Variants in NUMB observed in about 807,000 individuals in gnomAD.
NUMB encodes NUMB endocytic adaptor protein, also known as protein numb homolog.
NUMB carries 29 observed loss-of-function variants against 59.7 expected under a neutral mutation model. That is an observed-to-expected ratio of 0.49 (90% CI 0.36 to 0.66). The LOEUF (loss-of-function observed/expected upper bound fraction) is 0.66, where lower values mean the gene tolerates loss of function less well. Among genes scored for constraint, NUMB ranks in the 30% least tolerant of loss-of-function variants. The pLI is 0.00. For missense variants in NUMB, 723 were observed against 822.0 expected (o/e 0.88, Z 1.47); for synonymous variants, 288 against 288.2 (o/e 1.00, Z 0.01).
intron 2 of NUMB, among the ~76,000 whole-genome samples, chr14:73,402,501 G>T (rs947073619): frequency 1.3e-5 from 2 of 152,128 alleles, no homozygotes; most frequent in Non-Finnish European, 2.9e-5. Context: ...ACACAACTAT[G>T]TAGTGTAACT....
chr14:73,409,716 AT>A, intron 2 of NUMB: 1 of 152,354 alleles, frequency 6.6e-6, no homozygotes, highest in Non-Finnish European at 1.5e-5. Context: ...AAGAAAAACA[AT>A]TTTAATTATT....
chr14:73,415,748 T>C (rs1260410964), intron 1 of NUMB, among the ~76,000 whole-genome samples: 1 of 152,104 alleles, frequency 6.6e-6, no homozygotes, highest in Non-Finnish European at 1.5e-5. Context: ...ATTACAGGTG[T>C]GAGCCACCAC....
chr14:73,356,419 G>A (rs1029832217), intron 3 of NUMB, among the ~76,000 whole-genome samples: 2 of 152,174 alleles, frequency 1.3e-5, no homozygotes, highest in South Asian at 2.1e-4. Flanking sequence ...GAGATGGGCA[G>A]ATCACTTGAG....
intron 2 of NUMB, among the ~76,000 whole-genome samples, chr14:73,376,106 G>T (rs1273220801): frequency 6.6e-6 from 1 of 152,114 alleles, no homozygotes; most frequent in Non-Finnish European, 1.5e-5. Context: ...AAGTTAGAAA[G>T]AAAACTGTTT....
At chr14:73,357,624 G>T (rs138026631) in intron 3 of NUMB, among the ~76,000 whole-genome samples, 1 of 148,420 alleles carries the variant, frequency 6.7e-6, no homozygotes, top group African/African-American at 2.5e-5. Flanking sequence ...TTAGTTGGGC[G>T]TGGTGGCACG....
intron 6 of NUMB, among the ~76,000 whole-genome samples, chr14:73,308,532 T>C (rs547209044): frequency 1.3e-5 from 2 of 152,198 alleles, no homozygotes; most frequent in Non-Finnish European, 2.9e-5. Context: ...TCACATGAAG[T>C]AGGCATTAAT....
intron 1 of NUMB, among the ~76,000 whole-genome samples, chr14:73,415,309 CA>C (rs1897080146): frequency 3.4e-5 from 3 of 88,554 alleles, no homozygotes; most frequent in Non-Finnish European, 5.2e-5. Flanking sequence ...ATGCAAGAAA[CA>C]ACATTGTTAC....
At chr14:73,358,378 G>C (rs1417733870) in intron 3 of NUMB, among the ~76,000 whole-genome samples, 2 of 152,142 alleles carry the variant, frequency 1.3e-5, no homozygotes, top group Non-Finnish European at 2.9e-5. Flanking sequence ...GGTAAACACA[G>C]TCCTTCTTCC....
chr14:73,455,541 G>A (rs1884302259), intron 1 of NUMB, among the ~76,000 whole-genome samples: 1 of 152,126 alleles, frequency 6.6e-6, no homozygotes, highest in African/African-American at 2.4e-5. Flanking sequence ...CTTAATAAAT[G>A]ATTTACTTTG....
At chr14:73,360,585 T>C (rs1894052268) in intron 3 of NUMB, among the ~76,000 whole-genome samples, 1 of 152,058 alleles carries the variant, frequency 6.6e-6, no homozygotes. Context: ...GTATGGCCCC[T>C]GCATGTCTCT....
chr14:73,390,365 G>T (rs74064623), intron 2 of NUMB, among the ~76,000 whole-genome samples: 5 of 152,058 alleles, frequency 3.3e-5, no homozygotes, highest in Non-Finnish European at 5.9e-5. Flanking sequence ...GTTATCATTG[G>T]TTTGATTTGC....
chr14:73,355,825 T>C, intron 3 of NUMB, 59 bp from the exon 4 acceptor site: 4 of 1,388,954 alleles, frequency 2.9e-6, no homozygotes, highest in Non-Finnish European at 3.9e-6. Flanking sequence ...ATATTTAAAC[T>C]TTGGATTACC....
At chr14:73,335,781 C>CAA (rs1303400010) in intron 4 of NUMB, among the ~76,000 whole-genome samples, 1 of 152,164 alleles carries the variant, frequency 6.6e-6, no homozygotes, top group Non-Finnish European at 1.5e-5. Context: ...CCAACATTAA[C>CAA]AAAAGTGACA....
chr14:73,390,168 T>C (rs890602583), intron 2 of NUMB, among the ~76,000 whole-genome samples: 1 of 152,226 alleles, frequency 6.6e-6, no homozygotes, highest in African/African-American at 2.4e-5. Context: ...TAATACCATT[T>C]GTGATAGTAA....
Position 73,287,166 on chromosome 14 carries a change from G to A in NUMB, c.599C>T (p.Ala200Val). Residue 200 changes from alanine to valine, a missense_variant, in exon 9 of 13, where the codon GCC (alanine) becomes GTC (valine). By Grantham distance (64) the Ala-to-Val change is moderately conservative. Coordinates refer to ENST00000555238, the MANE Select transcript of NUMB (RefSeq NM_001005743.2). The part of the protein sequence containing the change: ...TREGSFRVTT[A>V]TEQAEREEIM... ...CTCCTCTCTTTCTGCTTGTTCAGTG[G>A]CTGTTGTGACACGGAATGATCCTTC... The A allele has an allele frequency of 1.2e-6, 2 of 1,613,740 alleles. No homozygotes were observed. The highest frequency in any genetic ancestry group is 1.7e-6 in the Non-Finnish European group (2 of 1,179,950).
chr14:73,423,656 A>G (rs1007202865), intron 1 of NUMB, among the ~76,000 whole-genome samples: 5 of 151,460 alleles, frequency 3.3e-5, no homozygotes, highest in African/African-American at 1.2e-4. Flanking sequence ...AGAAAAAAAA[A>G]AAAATTAGCC....
At chr14:73,408,542 C>A (rs913606888) in intron 2 of NUMB, among the ~76,000 whole-genome samples, 2 of 152,070 alleles carry the variant, frequency 1.3e-5, no homozygotes, top group African/African-American at 4.8e-5. Flanking sequence ...AAACTTTTGT[C>A]TCTACTTTTG....
intron 2 of NUMB, among the ~76,000 whole-genome samples, chr14:73,377,306 C>G (rs1894997543): frequency 6.6e-6 from 1 of 152,164 alleles, no homozygotes; most frequent in Admixed American, 6.6e-5. Context: ...AGGCAACAGA[C>G]TGGGAGAAAG....
chr14:73,448,912 T>C (rs1009665485), intron 1 of NUMB, among the ~76,000 whole-genome samples: 1 of 152,086 alleles, frequency 6.6e-6, no homozygotes, highest in African/African-American at 2.4e-5. Flanking sequence ...GTTCCTTATG[T>C]ATAATGGCAT....
Sources: allele counts gnomAD v4.1 joint callset (sites outside exome capture counted in the v4.1 genomes callset), GRCh38; gene constraint gnomAD v4.1.1; transcripts MANE v1.5; gene names NCBI Gene and HGNC (gene_info 2026-07-23, HGNC 2026-07-21).